Variants in GPM6A observed in about 807,000 individuals in gnomAD.
The protein encoded by GPM6A is glycoprotein M6A.
Under a neutral mutation model 32.1 loss-of-function variants are expected in GPM6A, and 7 were observed. That is an observed-to-expected ratio of 0.22 (90% CI 0.12 to 0.41). GPM6A has a LOEUF of 0.41. GPM6A is among the 10% of genes least tolerant of loss of function. The pLI is 1.00. For missense variants in GPM6A, 235 were observed against 347.2 expected, an observed-to-expected ratio of 0.68 and a Z score of 2.57; for synonymous variants, 130 against 123.4, an observed-to-expected ratio of 1.05 and a Z score of -0.35.
At chr4:175,811,417 C>T (rs1391660026) in intron 1 of GPM6A, among the ~76,000 whole-genome samples, 1 of 152,100 alleles carries the variant, frequency 6.6e-6, no homozygotes, top group Admixed American at 6.5e-5. Flanking sequence ...CTGAAGCTAC[C>T]ATTTGACACG....
chr4:175,997,851 T>C (rs74793918), intron 1 of GPM6A, among the ~76,000 whole-genome samples: 296 of 152,340 alleles, frequency 1.9e-3, no homozygotes, highest in African/African-American at 6.4e-3. Flanking sequence ...TTAAATCTAA[T>C]GTGGAATGTT....
At chr4:175,814,422 C>T (rs1735037464), upstream of GPM6A, among the ~76,000 whole-genome samples, 2 of 152,176 alleles carry the variant, frequency 1.3e-5, no homozygotes, top group African/African-American at 4.8e-5. Flanking sequence ...ATTTTCCTTC[C>T]TACTCTGTTC....
intron 1 of GPM6A, among the ~76,000 whole-genome samples, chr4:175,789,589 AAC>A (rs1294759535): frequency 6.6e-6 from 1 of 152,220 alleles, no homozygotes; most frequent in Non-Finnish European, 1.5e-5. Context: ...TAACAAAAAA[AAC>A]ATGAATTGTG....
At chr4:175,659,144 A>G (rs1428330564) in intron 3 of GPM6A, among the ~76,000 whole-genome samples, 2 of 150,996 alleles carry the variant, frequency 1.3e-5, no homozygotes, top group East Asian at 2.0e-4. Flanking sequence ...TGCAGTTGGC[A>G]TGATCTCGGC....
At chr4:175,886,178 G>A (rs1737449727) in intron 1 of GPM6A, among the ~76,000 whole-genome samples, 1 of 152,042 alleles carries the variant, frequency 6.6e-6, no homozygotes. Flanking sequence ...CAGTCTACCA[G>A]TAACAGGGTG....
At chr4:175,696,349 G>A (rs192674086) in intron 2 of GPM6A, among the ~76,000 whole-genome samples, 10 of 152,280 alleles carry the variant, frequency 6.6e-5, no homozygotes, top group African/African-American at 2.2e-4. Context: ...GCTCAGGGGA[G>A]TTTGACTCCA....
chr4:175,665,188 T>G (rs1579358553), intron 3 of GPM6A, among the ~76,000 whole-genome samples: 1 of 152,324 alleles, frequency 6.6e-6, no homozygotes, highest in East Asian at 1.9e-4. Flanking sequence ...TGTCTACTAG[T>G]CAACACTTCT....
chr4:175,670,068 C>A (rs965994565), intron 3 of GPM6A, among the ~76,000 whole-genome samples: 3 of 151,992 alleles, frequency 2.0e-5, no homozygotes, highest in African/African-American at 7.3e-5. Flanking sequence ...AACTGTGAGA[C>A]AATGAATTTC....
intron 2 of GPM6A, among the ~76,000 whole-genome samples, chr4:175,695,235 G>A (rs532562530): frequency 4.3e-4 from 65 of 152,306 alleles, no homozygotes; most frequent in African/African-American, 1.5e-3. Context: ...CCCACACAGA[G>A]TCCCCATTGG....
intron 1 of GPM6A, among the ~76,000 whole-genome samples, chr4:175,866,323 G>T (rs1736733263): frequency 6.6e-6 from 1 of 152,026 alleles, no homozygotes. Context: ...GTTTGCTCTT[G>T]GTGTGGCACA....
chr4:175,724,601 G>A lies in GPM6A; in HGVS notation c.38-22834C>T, dbSNP rs1020122965. ...AGAGAGTAGAATGGCACTTACAGAC[G>A]CTGGGGGTGGGCAGAATAGGGAGAA... On this transcript the variant is annotated intron_variant, in intron 1 of 6. Transcript: ENST00000393658. Among the ~76,000 whole-genome samples the A allele has an allele frequency of 8.5e-5, 13 of 152,110 alleles. No homozygotes were observed. In the Middle Eastern group the frequency reaches 0.014, roughly 160 times the overall value.
intron 1 of GPM6A, among the ~76,000 whole-genome samples, chr4:175,703,401 C>T (rs1208494697): frequency 1.3e-5 from 2 of 152,072 alleles, no homozygotes; most frequent in Non-Finnish European, 2.9e-5. Context: ...CAAACCTTGA[C>T]CTCAAGTGAT....
intron 1 of GPM6A, among the ~76,000 whole-genome samples, chr4:175,720,697 C>G (rs1746073079): frequency 6.6e-6 from 1 of 152,018 alleles, no homozygotes; most frequent in South Asian, 2.1e-4. Context: ...CTTTGGTTAT[C>G]TTTTGTACAA....
chr4:175,637,010 A>C (rs1380550148), intron 6 of GPM6A, among the ~76,000 whole-genome samples: 1 of 84,872 alleles, frequency 1.2e-5, no homozygotes, highest in Non-Finnish European at 2.2e-5. Flanking sequence ...ATATATTTAT[A>C]TAAAAATATA....
chr4:175,968,819 T>C (rs1740411228), intron 1 of GPM6A, among the ~76,000 whole-genome samples: 1 of 152,194 alleles, frequency 6.6e-6, no homozygotes, highest in Non-Finnish European at 1.5e-5. Flanking sequence ...TTCTCATTCA[T>C]TGATGGGCTG....
At chr4:175,822,745 T>G (rs1735316985) in intron 1 of GPM6A, among the ~76,000 whole-genome samples, 1 of 152,024 alleles carries the variant, frequency 6.6e-6, no homozygotes, top group Admixed American at 6.6e-5. Flanking sequence ...TGTGCCATGG[T>G]GATATGCTGC....
At chr4:175,688,642 G>A (rs1744127165) in intron 2 of GPM6A, among the ~76,000 whole-genome samples, 1 of 152,062 alleles carries the variant, frequency 6.6e-6, no homozygotes, top group African/African-American at 2.4e-5. Context: ...AGCTAGAAAA[G>A]AATATTTGAA....
chr4:175,790,075 CT>C (rs1733952350), intron 1 of GPM6A, among the ~76,000 whole-genome samples: 1 of 152,194 alleles, frequency 6.6e-6, no homozygotes, highest in Non-Finnish European at 1.5e-5. Context: ...TTTTAAATAT[CT>C]AGCTTTTTAC....
At chr4:175,971,027 G>A in intron 1 of GPM6A, 1 of 363,104 alleles carries the variant, frequency 2.8e-6, no homozygotes, top group South Asian at 2.1e-5. Context: ...TACAGCCTCA[G>A]TTAGGAAAGT....
Sources: allele counts gnomAD v4.1 joint callset (sites outside exome capture counted in the v4.1 genomes callset), GRCh38; gene constraint gnomAD v4.1.1; transcripts MANE v1.5; gene names NCBI Gene and HGNC (gene_info 2026-07-23, HGNC 2026-07-21).